CCDC192: variants seen among roughly 807,000 people sequenced by gnomAD.
The protein encoded by CCDC192 is coiled-coil domain containing 192.
chr5:127,929,349 C>A (rs1033605474), intron 6 of CCDC192, among the ~76,000 whole-genome samples: 1 of 152,130 alleles, frequency 6.6e-6, no homozygotes, highest in Admixed American at 6.5e-5. Flanking sequence ...AAGAGAGACT[C>A]CTCTGCAGAC....
At chr5:127,899,604 C>A (rs1752986305) in intron 6 of CCDC192, among the ~76,000 whole-genome samples, 1 of 151,312 alleles carries the variant, frequency 6.6e-6, no homozygotes, top group African/African-American at 2.4e-5. Context: ...AAAAAAAGAT[C>A]TTAAACAGCT....
chr5:127,863,676 G>A (rs186882131), intron 5 of CCDC192, among the ~76,000 whole-genome samples: 49 of 152,174 alleles, frequency 3.2e-4, no homozygotes, highest in African/African-American at 1.1e-3. Flanking sequence ...ACTTAGAAAC[G>A]GTTAAAATTA....
intron 2 of CCDC192, among the ~76,000 whole-genome samples, chr5:127,719,947 T>G (rs1335709618): frequency 1.3e-5 from 2 of 151,930 alleles, no homozygotes; most frequent in Non-Finnish European, 2.9e-5. Context: ...CCCACCAGAC[T>G]CTTCCTCCAA....
chr5:127,785,332 T>G (rs573229984), intron 3 of CCDC192: 1 of 449,080 alleles, frequency 2.2e-6, no homozygotes, highest in Non-Finnish European at 4.4e-6. Context: ...AGCACCTGAA[T>G]GCTGAAATCC....
At chr5:127,888,154 G>A (rs1273368924) in intron 6 of CCDC192, among the ~76,000 whole-genome samples, 1 of 151,738 alleles carries the variant, frequency 6.6e-6, no homozygotes, top group Non-Finnish European at 1.5e-5. Context: ...AGTGGCTCCC[G>A]CCTGTAATCC....
chr5:127,792,689 G>C (rs1448618565), intron 3 of CCDC192, among the ~76,000 whole-genome samples: 1 of 151,680 alleles, frequency 6.6e-6, no homozygotes, highest in African/African-American at 2.4e-5. Context: ...TTGGGTGACA[G>C]AGCCAGACCC....
chr5:127,847,889 T>G (rs926791470), intron 5 of CCDC192, among the ~76,000 whole-genome samples: 4 of 151,938 alleles, frequency 2.6e-5, no homozygotes, highest in Admixed American at 2.6e-4. Flanking sequence ...CTCCACCTCC[T>G]GGATTCAAGC....
At chr5:127,863,103 A>G (rs753748391) in intron 5 of CCDC192, among the ~76,000 whole-genome samples, 15 of 152,208 alleles carry the variant, frequency 9.9e-5, no homozygotes, top group Non-Finnish European at 2.2e-4. Context: ...AAAAACAAAA[A>G]GTAAGTATTT....
At chr5:127,731,908 C>G (rs1752660784) in intron 2 of CCDC192, among the ~76,000 whole-genome samples, 1 of 151,990 alleles carries the variant, frequency 6.6e-6, no homozygotes, top group African/African-American at 2.4e-5. Flanking sequence ...ACATCCCAAA[C>G]AGAAAATCTA....
chr5:127,899,146 T>C (rs1021706246), intron 6 of CCDC192, among the ~76,000 whole-genome samples: 1 of 152,224 alleles, frequency 6.6e-6, no homozygotes, highest in African/African-American at 2.4e-5. Flanking sequence ...ATTACATCTT[T>C]ATTTCTCTGT....
At chr5:127,754,675 C>T (rs1480202410) in intron 3 of CCDC192, among the ~76,000 whole-genome samples, 1 of 152,028 alleles carries the variant, frequency 6.6e-6, no homozygotes, top group African/African-American at 2.4e-5. Flanking sequence ...TTAGGCAAAC[C>T]TTCTTTAACT....
At chr5:127,895,312 C>T (rs549241430) in intron 6 of CCDC192, among the ~76,000 whole-genome samples, 1 of 152,272 alleles carries the variant, frequency 6.6e-6, no homozygotes, top group South Asian at 2.1e-4. Flanking sequence ...CTGACATTGC[C>T]TTCACAGCTC....
intron 3 of CCDC192, among the ~76,000 whole-genome samples, chr5:127,795,289 C>CAAAAAAAAAAAAAAAAAA (rs762627670): frequency 1.3e-5 from 1 of 76,610 alleles, no homozygotes; most frequent in Non-Finnish European, 2.6e-5. Context: ...GACTCTATCT[C>CAAAAAAAAAAAAAAAAAA]AAAAAAAAAA....
chr5:127,745,550 G>A (rs906615374), intron 2 of CCDC192, among the ~76,000 whole-genome samples: 1 of 151,976 alleles, frequency 6.6e-6, no homozygotes, highest in African/African-American at 2.4e-5. Context: ...GATCATCTTG[G>A]CTACATTAGG....
chr5:127,842,164 C>T (rs1388283483), intron 5 of CCDC192, among the ~76,000 whole-genome samples: 1 of 152,248 alleles, frequency 6.6e-6, no homozygotes, highest in African/African-American at 2.4e-5. Flanking sequence ...GAAGGACCCA[C>T]ACCTGGTTTG....
intron 5 of CCDC192, among the ~76,000 whole-genome samples, chr5:127,851,035 T>C (rs1750773941): frequency 6.6e-6 from 1 of 152,166 alleles, no homozygotes; most frequent in South Asian, 2.1e-4. Flanking sequence ...AAGAAGCACC[T>C]GTCCCTGGTG....
intron 2 of CCDC192, among the ~76,000 whole-genome samples, chr5:127,726,651 C>G (rs11241939): frequency 0.3 from 45,638 of 152,120 alleles, 7,307 homozygotes; most frequent in South Asian, 0.43. Flanking sequence ...TGTGGCAGAT[C>G]ATGACCAGAT....
At chr5:127,742,124 TAGTG>T (rs2126842689) in intron 2 of CCDC192, among the ~76,000 whole-genome samples, 1 of 152,298 alleles carries the variant, frequency 6.6e-6, no homozygotes, top group African/African-American at 2.4e-5. Context: ...GCCTGGCAAA[TAGTG>T]AGCCTTCAAT....
intron 5 of CCDC192, among the ~76,000 whole-genome samples, chr5:127,870,593 A>G (rs1751811066): frequency 2.0e-5 from 3 of 152,224 alleles, no homozygotes. Context: ...ATAGAGAGAT[A>G]CTAACACGGA....
Sources: gnomAD v4.1 joint callset for allele counts (sites outside exome capture counted in the v4.1 genomes callset) on GRCh38, gnomAD v4.1.1 for gene constraint, MANE v1.5 for transcripts, NCBI Gene and HGNC (gene_info 2026-07-23, HGNC 2026-07-21) for gene names.